Variants in ZNF316 observed in about 807,000 individuals in gnomAD.
ZNF316 encodes the protein zinc finger protein 316.
Under a neutral mutation model 75.6 loss-of-function variants are expected in ZNF316, and 23 were observed. That is an observed-to-expected ratio of 0.30 (90% CI 0.22 to 0.43). ZNF316 has a LOEUF of 0.43. Ranked by LOEUF, ZNF316 falls within the 20% of genes least tolerant of loss-of-function variation. The probability of loss-of-function intolerance (pLI) is 1.00; values close to 1 mark genes in which losing one functional copy is unlikely to be tolerated. For synonymous variants in ZNF316, 827 were observed against 666.2 expected (o/e 1.24, Z -3.72); for missense variants, 1,266 against 1,409.4 (o/e 0.90, Z 1.63).
At chr7:6,651,534 A>C (rs1443509254) in intron 8 of ZNF316, among the ~76,000 whole-genome samples, 1 of 152,060 alleles carries the variant, frequency 6.6e-6, no homozygotes, top group Non-Finnish European at 1.5e-5. Flanking sequence ...GTGCGCCTGT[A>C]ATCCCAGCTA....
At position 6,644,529 on chromosome 7, in the gene ZNF316, A is replaced by G. The variant is rs1779366806; in HGVS notation, c.642A>G (p.Glu214=). Residue 214 remains glutamate, a synonymous_variant, in exon 8 of 9, where the codon GAA becomes GAG. Coordinates refer to ENST00000382252, the MANE Select transcript of ZNF316 (RefSeq NM_001278559.2). ...PDLIFRLEQG[E]EPWVPDSPRP... ...TGATCTTCCGGCTGGAACAAGGGGA[A>G]GAACCTTGGGTCCCAGATAGTCCCC... 4 of 1,232,306 alleles carry G rather than the reference A, an allele frequency of 3.2e-6. No homozygotes were observed. Among genetic ancestry groups the G allele is most frequent in the Non-Finnish European group, 4.0e-6 (4 of 988,016 alleles). 76.3% of individuals were successfully genotyped at this position (1,232,306 alleles called of 1,614,324 possible).
chr7:6,649,210 C>T (rs1040215186), intron 8 of ZNF316, among the ~76,000 whole-genome samples: 6 of 152,188 alleles, frequency 3.9e-5, no homozygotes, highest in Admixed American at 2.0e-4. Context: ...GTCCCTCTTC[C>T]GGAAGCCTAG....
In ZNF316 at chr7:6,654,287, G is replaced by T. The variant is rs1026492348; in HGVS notation, c.2691G>T (p.Ser897=). 8.2e-7 allele frequency: 1 copy of T among 1,224,222 alleles called. No homozygotes were observed. The highest frequency in any genetic ancestry group is 3.3e-5 in the East Asian group (1 of 30,738). 75.8% of individuals were successfully genotyped at this position (1,224,222 alleles called of 1,614,324 possible). A position where few individuals can be genotyped will look rare whatever the true frequency, so the allele number is the denominator to read the frequency against. ...FPCPECGKRF[S]QRSVLVTHQR... The stretch of plus-strand genomic sequence containing the variant: ...GCCCTGAGTGCGGCAAGCGCTTTTC[G>T]CAGCGCTCGGTGCTGGTCACGCACC... Residue 897 remains serine, a synonymous_variant, in exon 9 of 9, where the codon TCG becomes TCT. Coordinates refer to ENST00000382252, the MANE Select transcript of ZNF316 (RefSeq NM_001278559.2).
rs1779554222 is a variant in ZNF316 at position 6,653,463 on chromosome 7, G to C, written c.1867G>C (p.Glu623Gln). The part of the protein sequence containing the change: ...FPILGLPDFR[E>Q]RLPVDGRPLP... ...GATCCTGGGCCTACCCGACTTCCGA[G>C]AGCGGCTGCCGGTCGACGGGCGCCC... Residue 623 changes from glutamate to glutamine, a missense_variant, in exon 9 of 9, where the codon GAG becomes CAG. Glu to Gln is a conservative substitution (Grantham distance 29, BLOSUM62 2). Coordinates refer to ENST00000382252, the MANE Select transcript of ZNF316 (RefSeq NM_001278559.2). The C allele has an allele frequency of 8.1e-7, 1 of 1,227,314 alleles. No homozygotes were observed. The highest frequency in any genetic ancestry group is 1.0e-6 in the Non-Finnish European group (1 of 985,410). The allele number at this position is 1,227,314 out of a possible 1,614,324, so 76.0% of individuals were successfully genotyped here.
intron 3 of ZNF316, among the ~76,000 whole-genome samples, chr7:6,641,347 G>A (rs1463791680): frequency 2.0e-5 from 3 of 152,240 alleles, no homozygotes; most frequent in African/African-American, 7.2e-5. Flanking sequence ...CAGAGACACT[G>A]ATGGTGTGTG....
At chr7:6,652,125 G>C (rs1779517582) in intron 8 of ZNF316, among the ~76,000 whole-genome samples, 178 bp from the exon 9 acceptor site, 2 of 152,194 alleles carry the variant, frequency 1.3e-5, no homozygotes, top group Non-Finnish European at 2.9e-5. Flanking sequence ...CGGCTGTTCA[G>C]GACTGGCAGT....
In ZNF316 at chr7:6,655,742, A is replaced by C. The variant is rs1007272819; in HGVS notation, c.*1131A>C. The C allele has an allele frequency of 2.6e-5, 4 of 152,138 alleles. No homozygotes were observed. In the East Asian group the frequency reaches 7.7e-4, roughly 29 times the overall value. The allele number at this position is 152,138 out of a possible 1,614,324, so 9.4% of individuals were successfully genotyped here. On this transcript the variant is annotated 3_prime_UTR_variant, in exon 9 of 9. Transcript: ENST00000382252. ...TCCCATTTCACAAATTGGTTAGTGGAGGCACCCGTGGCCTGGCAGCTTGCA... is the reference window on the plus strand; with the variant it reads ...TCCCATTTCACAAATTGGTTAGTGGCGGCACCCGTGGCCTGGCAGCTTGCA...
rs1453210685 is a variant in ZNF316 at position 6,653,575 on chromosome 7, G to A, written c.1979G>A (p.Gly660Asp). The change falls in exon 9 of 9, where the codon GGC becomes GAC. Residue 660 changes from glycine to aspartate, a missense_variant. Gly to Asp is a moderately conservative substitution (Grantham distance 94). Coordinates refer to ENST00000382252, the MANE Select transcript of ZNF316 (RefSeq NM_001278559.2). ...CDPFGGGGAA[G>D]GGGGLRAFGP... ...CCTTTCGGCGGCGGCGGGGCCGCGG[G>A]CGGCGGAGGCGGCCTGCGCGCGTTC... 1 of 1,088,450 alleles carries A rather than the reference G, an allele frequency of 9.2e-7. No individual in the cohort carries two copies. The highest frequency in any genetic ancestry group is 1.1e-6 in the Non-Finnish European group (1 of 895,612). The allele number at this position is 1,088,450 out of a possible 1,614,324, so 67.4% of individuals were successfully genotyped here. A position where few individuals can be genotyped will look rare whatever the true frequency, so the allele number is the denominator to read the frequency against.
In ZNF316 at chr7:6,654,500, C is replaced by T. The variant is rs1032985814; in HGVS notation, c.2904C>T (p.Pro968=). Residue 968 remains proline, a synonymous_variant, in exon 9 of 9, where the codon CCC becomes CCT. Coordinates refer to ENST00000382252, the MANE Select transcript of ZNF316 (RefSeq NM_001278559.2). The part of the protein sequence containing the change: ...AAAKGPSSAG[P]GERGSALLEF... ...CCAAGGGGCCGTCCAGTGCCGGCCC[C>T]GGTGAGCGCGGCAGCGCCCTGCTGG... is the stretch of plus-strand genomic sequence containing the variant. The T allele has an allele frequency of 1.3e-4, 154 of 1,177,098 alleles. No homozygotes were observed. Among genetic ancestry groups the T allele is most frequent in the Non-Finnish European group, 1.6e-4 (151 of 953,074 alleles). The allele number at this position is 1,177,098 out of a possible 1,614,324, so 72.9% of individuals were successfully genotyped here. A position where few individuals can be genotyped will look rare whatever the true frequency, so the allele number is the denominator to read the frequency against.
rs1177859029 is a variant in ZNF316, at chr7:6,655,355, C to T, written c.*744C>T. ...AAGCCTTATTCTCGAGCCGCCTCCTCTTCTCTACCCACACTTGCACCGAGG... is the reference window on the plus strand; with the variant it reads ...AAGCCTTATTCTCGAGCCGCCTCCTTTTCTCTACCCACACTTGCACCGAGG... On this transcript the variant is annotated 3_prime_UTR_variant, in exon 9 of 9. Transcript: ENST00000382252. The T allele has an allele frequency of 1.3e-5, 2 of 152,282 alleles. No homozygotes were observed. Among genetic ancestry groups the T allele is most frequent in the Non-Finnish European group, 2.9e-5 (2 of 68,104 alleles). The allele number at this position is 152,282 out of a possible 1,614,324, so 9.4% of individuals were successfully genotyped here.
rs999900115 is a variant in ZNF316 at position 6,652,419 on chromosome 7, G to C, written c.823G>C (p.Gly275Arg). 1 of 1,232,198 alleles carries C rather than the reference G, an allele frequency of 8.1e-7. No homozygotes were observed. The allele number at this position is 1,232,198 out of a possible 1,614,324, so 76.3% of individuals were successfully genotyped here. A position where few individuals can be genotyped will look rare whatever the true frequency, so the allele number is the denominator to read the frequency against. The part of the protein sequence containing the change: ...EPPGLWSAAY[G>R]VGDVPGTWGP... ...CCCAGGGCTCTGGTCGGCGGCCTAC[G>C]GCGTGGGGGACGTGCCTGGGACGTG... The change falls in exon 9 of 9, where the codon GGC becomes CGC. Residue 275 changes from glycine to arginine, a missense_variant. By Grantham distance (125) the Gly-to-Arg change is moderately radical. Around this residue, in one of 3 missense-constraint regions of ZNF316, gnomAD observed 961 missense variants for 990.9 expected, o/e 0.97. Transcript: ENST00000382252.
rs1363951732 is a variant in ZNF316 at position 6,654,274 on chromosome 7, G to A, written c.2678G>A (p.Gly893Asp). ...GERPFPCPEC[G>D]KRFSQRSVLV... is the part of the protein sequence containing the mutation. ...CGCCCCTTCCCGTGCCCTGAGTGCG[G>A]CAAGCGCTTTTCGCAGCGCTCGGTG... Residue 893 changes from glycine to aspartate, a missense_variant, in exon 9 of 9, where the codon GGC (glycine) becomes GAC (aspartate). Coordinates refer to ENST00000382252, the MANE Select transcript of ZNF316 (RefSeq NM_001278559.2). 3.3e-6 allele frequency: 4 copies of A among 1,224,102 alleles called. No individual in the cohort carries two copies. Among genetic ancestry groups the A allele is most frequent in the South Asian group, 3.9e-5 (1 of 25,444 alleles). 75.8% of individuals were successfully genotyped at this position (1,224,102 alleles called of 1,614,324 possible). A position where few individuals can be genotyped will look rare whatever the true frequency, so the allele number is the denominator to read the frequency against.
chr7:6,647,740 T>C (rs1410206304), intron 8 of ZNF316, among the ~76,000 whole-genome samples: 1 of 150,650 alleles, frequency 6.6e-6, no homozygotes, highest in Non-Finnish European at 1.5e-5. Context: ...TGCCCAGGAG[T>C]GGGAGTCGTA....
At chr7:6,647,075 C>T (rs749974925) in intron 8 of ZNF316, among the ~76,000 whole-genome samples, 1 of 152,230 alleles carries the variant, frequency 6.6e-6, no homozygotes, top group African/African-American at 2.4e-5. Context: ...AAGAATGTGC[C>T]TGGAGAAAAT....
rs560656325 is a variant in ZNF316, at chr7:6,642,301, C to T, written c.-28-81C>T. The T allele has an allele frequency of 1.4e-3, 965 of 670,032 alleles. 2 individuals are homozygous for T. Among genetic ancestry groups the T allele is most frequent in the Non-Finnish European group, 1.9e-3 (897 of 475,080 alleles). 41.5% of individuals were successfully genotyped at this position (670,032 alleles called of 1,614,324 possible). A position where few individuals can be genotyped will look rare whatever the true frequency, so the allele number is the denominator to read the frequency against. ...GAGTAAATCCTGCTCCCTGCGCCCC[C>T]GCCAGGCTGCGGGAGACCCTGTGAG... is the stretch of plus-strand genomic sequence containing the variant. On this transcript the variant is annotated intron_variant, in intron 4 of 8. Coordinates refer to ENST00000382252, the MANE Select transcript of ZNF316 (RefSeq NM_001278559.2). The surrounding 1 kb of genome is among the most constrained non-coding windows in gnomAD (Gnocchi z 8.1).
rs1333448393 is a variant in ZNF316 at position 6,652,430 on chromosome 7, C to T, written c.834C>T (p.Asp278=). Residue 278 remains aspartate, a synonymous_variant, in exon 9 of 9, where the codon GAC becomes GAT. Coordinates refer to ENST00000382252, the MANE Select transcript of ZNF316 (RefSeq NM_001278559.2). ...GLWSAAYGVG[D]VPGTWGPDDS... is the part of the protein sequence containing the mutation. Reference sequence around the variant, plus strand: ...GGTCGGCGGCCTACGGCGTGGGGGACGTGCCTGGGACGTGGGGGCCCGACG... The same window carrying T: ...GGTCGGCGGCCTACGGCGTGGGGGATGTGCCTGGGACGTGGGGGCCCGACG... The T allele has an allele frequency of 1.6e-5, 20 of 1,231,972 alleles. No homozygotes were observed. The highest frequency in any genetic ancestry group is 1.8e-5 in the Non-Finnish European group (18 of 987,954). The allele number at this position is 1,231,972 out of a possible 1,614,324, so 76.3% of individuals were successfully genotyped here.
In ZNF316 at chr7:6,654,272, C is replaced by T. The variant is rs1295110863; in HGVS notation, c.2676C>T (p.Cys892=). 1.9e-5 allele frequency: 23 copies of T among 1,223,828 alleles called. No individual in the cohort carries two copies. The highest frequency in any genetic ancestry group is 7.8e-5 in the African/African-American group (5 of 63,840). 75.8% of individuals were successfully genotyped at this position (1,223,828 alleles called of 1,614,324 possible). The stretch of plus-strand genomic sequence containing the variant: ...AACGCCCCTTCCCGTGCCCTGAGTG[C>T]GGCAAGCGCTTTTCGCAGCGCTCGG... ...TGERPFPCPE[C]GKRFSQRSVL... is the part of the protein sequence containing the mutation. Residue 892 remains cysteine, a synonymous_variant, in exon 9 of 9, where the codon TGC becomes TGT. Coordinates refer to ENST00000382252, the MANE Select transcript of ZNF316 (RefSeq NM_001278559.2).
chr7:6,644,490 T>A lies in ZNF316; in HGVS notation c.603T>A (p.Ile201=), dbSNP rs1387150216. ...CTGTTCTCCTGGCAGGATACCCAAT[T>A]CCCAAGCCCGATCTGATCTTCCGGC... ...YGILVSLGYP[I]PKPDLIFRLE... The change falls in exon 8 of 9, where the codon ATT becomes ATA. Residue 201 remains isoleucine (I), a synonymous_variant. Transcript: ENST00000382252. 1 of 1,232,008 alleles carries A rather than the reference T, an allele frequency of 8.1e-7. No individual in the cohort carries two copies. Among genetic ancestry groups the A allele is most frequent in the African/African-American group, 1.6e-5 (1 of 64,390 alleles). The allele number at this position is 1,232,008 out of a possible 1,614,324, so 76.3% of individuals were successfully genotyped here.
chr7:6,649,124 G>A (rs1202110911), intron 8 of ZNF316, among the ~76,000 whole-genome samples: 1 of 152,146 alleles, frequency 6.6e-6, no homozygotes, highest in African/African-American at 2.4e-5. Context: ...CCATACTCTG[G>A]AAGCTTCTCC....
Sources: gnomAD v4.1 joint callset for allele counts (sites outside exome capture counted in the v4.1 genomes callset) on GRCh38, gnomAD v4.1.1 for gene constraint, gnomAD v4.1.1 regional missense constraint, Gnocchi (gnomAD v3.1) non-coding constraint, MANE v1.5 for transcripts, NCBI Gene and HGNC (gene_info 2026-07-23, HGNC 2026-07-21) for gene names.